TLR3: variants seen among roughly 807,000 people sequenced by gnomAD.
TLR3 encodes toll like receptor 3, also known as toll-like receptor 3.
A neutral mutation model predicts 66.4 loss-of-function variants in TLR3; 43 were observed. The ratio of observed to expected loss-of-function variants is 0.65; its 90% CI spans 0.51 to 0.83. The LOEUF is 0.83. Ranked by LOEUF, TLR3 falls within the 40% of genes least tolerant of loss-of-function variation. The pLI, the probability that TLR3 is intolerant of heterozygous loss-of-function variation, is 0.00. For missense variants in TLR3, 982 were observed against 1,044.6 expected (o/e 0.94, Z 0.83); for synonymous variants, 397 against 397.2 (o/e 1.00, Z 0.01).
At position 186,083,311 on chromosome 4, in the gene TLR3, T is replaced by C; in HGVS notation, c.1625T>C (p.Leu542Ser). The C allele has an allele frequency of 6.2e-7, 1 of 1,614,116 alleles. No individual in the cohort carries two copies. Residue 542 changes from leucine to serine, a missense_variant, in exon 4 of 5, where the codon TTA becomes TCA. This residue lies in a region of TLR3 where 666 missense variants were observed against 709.0 expected (regional missense o/e 0.94). Transcript: ENST00000296795. The surrounding 1 kb of genome is among the most constrained non-coding windows in gnomAD (Gnocchi z 4.0). Reference protein sequence around the residue: ...LEILDLQHNNLARLWKHANPG... With the variant: ...LEILDLQHNNSARLWKHANPG... ...ATTCTCGATTTGCAGCATAACAACT[T>C]AGCACGGCTCTGGAAACACGCAAAC... is the stretch of plus-strand genomic sequence containing the variant.
chr4:186,073,947 A>G (rs1173427296), intron 1 of TLR3, among the ~76,000 whole-genome samples: 1 of 152,248 alleles, frequency 6.6e-6, no homozygotes, highest in African/African-American at 2.4e-5. Context: ...ATGAACAATA[A>G]GCACATGAAA....
chr4:186,087,829 A>G lies in TLR3; in HGVS notation c.*2956A>G, dbSNP rs1400809376. ...ACTTAGAAGGAATTTCTTGCAATCTATTGAGACACAAAGCAGATGAGTGGT... is the reference window on the plus strand; with the variant it reads ...ACTTAGAAGGAATTTCTTGCAATCTGTTGAGACACAAAGCAGATGAGTGGT... On this transcript the variant is annotated 3_prime_UTR_variant, in exon 5 of 5. Transcript: ENST00000296795. The G allele has an allele frequency of 2.0e-5, 3 of 152,182 alleles. No individual in the cohort carries two copies. The highest frequency in any genetic ancestry group is 2.9e-5 in the Non-Finnish European group (2 of 68,036). The allele number at this position is 152,182 out of a possible 1,614,324, so 9.4% of individuals were successfully genotyped here.
chr4:186,080,579 TTATTTTA>T (rs1161329713), intron 3 of TLR3, among the ~76,000 whole-genome samples: 1 of 51,078 alleles, frequency 2.0e-5, no homozygotes, highest in African/African-American at 6.0e-5. Context: ...AATCAATATT[TTATTTTA>T]TTTTATTTTA....
Position 186,084,700 on chromosome 4 carries a change from A to G in TLR3, c.2542A>G (p.Ile848Val), listed in dbSNP as rs200662318. Residue 848 changes from isoleucine (I) to valine (V), a missense_variant, in exon 5 of 5, where the codon ATA (isoleucine) becomes GTA (valine). Around this residue, in one of 3 missense-constraint regions of TLR3, gnomAD observed 666 missense variants for 709.0 expected, o/e 0.94. Transcript: ENST00000296795. Reference sequence around the variant, plus strand: ...TATTGAACAAAATCTGGATTCCATTATATTGGTTTTCCTTGAGGAGATTCC... The same window carrying G: ...TATTGAACAAAATCTGGATTCCATTGTATTGGTTTTCCTTGAGGAGATTCC... ...QAIEQNLDSI[I>V]LVFLEEIPDY... The G allele has an allele frequency of 6.2e-7, 1 of 1,613,998 alleles. No homozygotes were observed.
chr4:186,072,692 A>G (rs1224602055), intron 1 of TLR3, among the ~76,000 whole-genome samples: 1 of 152,180 alleles, frequency 6.6e-6, no homozygotes, highest in African/African-American at 2.4e-5. Context: ...GTGGTGCTGA[A>G]CCATCTGTGA....
At chr4:186,077,832 G>A (rs1268443240) in intron 2 of TLR3, among the ~76,000 whole-genome samples, 4 of 149,286 alleles carry the variant, frequency 2.7e-5, no homozygotes, top group African/African-American at 2.5e-5. Flanking sequence ...TAGAGCACCA[G>A]AAAAAAAAAA....
chr4:186,070,243 T>C (rs1450204425), intron 1 of TLR3, among the ~76,000 whole-genome samples: 1 of 152,254 alleles, frequency 6.6e-6, no homozygotes, highest in African/African-American at 2.4e-5. Context: ...AAGCATGTCC[T>C]AGAATAACCT....
chr4:186,078,602 T>A (rs1197970235), intron 2 of TLR3, among the ~76,000 whole-genome samples: 1 of 152,192 alleles, frequency 6.6e-6, no homozygotes, highest in Non-Finnish European at 1.5e-5. Context: ...AAAATGATTC[T>A]TGAAGTAAGA....
At position 186,082,586 on chromosome 4, in the gene TLR3, A is replaced by G. The variant is rs147829071; in HGVS notation, c.900A>G (p.Leu300=). The part of the protein sequence containing the change: ...GNDSFAWLPQ[L]EYFFLEYNNI... ...ATTCCTTTGCTTGGCTTCCACAACT[A>G]GAATATTTCTTCCTAGAGTATAATA... The change falls in exon 4 of 5, where the codon CTA becomes CTG. Residue 300 remains leucine, a synonymous_variant. Coordinates refer to ENST00000296795, the MANE Select transcript of TLR3 (RefSeq NM_003265.3). The G allele has an allele frequency of 7.7e-5, 125 of 1,614,160 alleles. 1 individual carries two copies. In the African/African-American group the frequency reaches 1.3e-3, roughly 17 times the overall value.
In TLR3 at chr4:186,078,830, T is replaced by G; in HGVS notation, c.442-10T>G. 6.2e-7 allele frequency: 1 copy of G among 1,612,416 alleles called. No homozygotes were observed. Among genetic ancestry groups the G allele is most frequent in the Non-Finnish European group, 8.5e-7 (1 of 1,178,672 alleles). On this transcript the variant is annotated splice_polypyrimidine_tract_variant and intron_variant, in intron 2 of 4. Transcript: ENST00000296795. ...GACTCTAACATATGCATATTATTTTTTCCCTTCAGAATTTAATCACATTAG... is the reference window on the plus strand; with the variant it reads ...GACTCTAACATATGCATATTATTTTGTCCCTTCAGAATTTAATCACATTAG...
At position 186,085,540 on chromosome 4, in the gene TLR3, C is replaced by G. The variant is rs187868236; in HGVS notation, c.*667C>G. The G allele has an allele frequency of 9.1e-4, 139 of 152,466 alleles. 1 individual carries two copies. The highest frequency in any genetic ancestry group is 3.2e-3 in the African/African-American group (135 of 41,576). The allele number at this position is 152,466 out of a possible 1,614,324, so 9.4% of individuals were successfully genotyped here. On this transcript the variant is annotated 3_prime_UTR_variant, in exon 5 of 5. Transcript: ENST00000296795. ...CTGCTGTGGGAGGGTGGAAACAATT[C>G]TCTTACTAAAAGTATTGTAGGCAGG...
At chr4:186,070,988 A>G (rs1337039319) in intron 1 of TLR3, among the ~76,000 whole-genome samples, 1 of 152,198 alleles carries the variant, frequency 6.6e-6, no homozygotes, top group African/African-American at 2.4e-5. Flanking sequence ...ATGAGCCACT[A>G]TGCTTTGCCT....
chr4:186,084,303 C>T (rs2099304029), intron 4 of TLR3, 131 bp downstream of exon 4: 1 of 930,732 alleles, frequency 1.1e-6, no homozygotes, highest in East Asian at 2.6e-5. Context: ...TTACTGCAGC[C>T]TCCACCTCCT....
chr4:186,078,723 A>G (rs1380493543), intron 2 of TLR3, 117 bp from the exon 3 acceptor site: 3 of 789,034 alleles, frequency 3.8e-6, no homozygotes, highest in Non-Finnish European at 4.2e-6. Flanking sequence ...AGTATTCTAC[A>G]GAATAATAGA....
intron 1 of TLR3, among the ~76,000 whole-genome samples, chr4:186,072,855 C>T (rs111996606): frequency 0.015 from 2,288 of 152,286 alleles, 25 homozygotes; most frequent in Middle Eastern, 0.027. Flanking sequence ...CAACAAAGTG[C>T]CAGGTCTTGT....
At position 186,087,214 on chromosome 4, in the gene TLR3, A is replaced by G. The variant is rs2099304499; in HGVS notation, c.*2341A>G. On this transcript the variant is annotated 3_prime_UTR_variant, in exon 5 of 5. Coordinates refer to ENST00000296795, the MANE Select transcript of TLR3 (RefSeq NM_003265.3). ...CCATTCTCCTGCCTCAGATATATCAATGACATATTCAATACATCATTAAGT... is the reference window on the plus strand; with the variant it reads ...CCATTCTCCTGCCTCAGATATATCAGTGACATATTCAATACATCATTAAGT... 6.6e-6 allele frequency: 1 copy of G among 152,200 alleles called. No homozygotes were observed. The highest frequency in any genetic ancestry group is 1.5e-5 in the Non-Finnish European group (1 of 68,042). 9.4% of individuals were successfully genotyped at this position (152,200 alleles called of 1,614,324 possible). A position where few individuals can be genotyped will look rare whatever the true frequency, so the allele number is the denominator to read the frequency against.
intron 2 of TLR3, 142 bp downstream of exon 2, chr4:186,077,202 A>G: frequency 1.1e-6 from 1 of 884,256 alleles, no homozygotes; most frequent in South Asian, 1.7e-5. Flanking sequence ...ATAATAGAAA[A>G]TGCTTCCAAA....
At chr4:186,071,912 C>T (rs1191414420) in intron 1 of TLR3, among the ~76,000 whole-genome samples, 1 of 152,174 alleles carries the variant, frequency 6.6e-6, no homozygotes, top group Non-Finnish European at 1.5e-5. Flanking sequence ...CATCTCCATA[C>T]CTTGTGGGTG....
At position 186,083,469 on chromosome 4, in the gene TLR3, T is replaced by G. The variant is rs758516737; in HGVS notation, c.1783T>G (p.Leu595Val). Reference protein sequence around the residue: ...LFELKIIDLGLNNLNTLPASV... With the variant: ...LFELKIIDLGVNNLNTLPASV... ...TGAACTAAAGATCATCGATTTAGGA[T>G]TGAATAATTTAAACACACTTCCAGC... The change falls in exon 4 of 5, where the codon TTG becomes GTG. Residue 595 changes from leucine (L) to valine (V), a missense_variant. Transcript: ENST00000296795. This position sits in a 1 kb window ranked among gnomAD's most constrained non-coding sequence, Gnocchi z 4.0. 1.2e-6 allele frequency: 2 copies of G among 1,609,152 alleles called. No homozygotes were observed. The highest frequency in any genetic ancestry group is 3.4e-5 in the Admixed American group (2 of 59,520).
Sources: gnomAD v4.1 joint callset for allele counts (sites outside exome capture counted in the v4.1 genomes callset) on GRCh38, gnomAD v4.1.1 for gene constraint, gnomAD v4.1.1 regional missense constraint, Gnocchi (gnomAD v3.1) non-coding constraint, MANE v1.5 for transcripts, NCBI Gene and HGNC (gene_info 2026-07-23, HGNC 2026-07-21) for gene names.